The following PEAK1 variants were observed in gnomAD, a reference collection of about 807,000 sequenced individuals.
PEAK1 encodes the protein inactive tyrosine-protein kinase PEAK1.
In PEAK1, 54 loss-of-function variants were observed where a neutral mutation model predicts 124.7. That is an observed-to-expected ratio of 0.43 (90% CI 0.35 to 0.54). The LOEUF (loss-of-function observed/expected upper bound fraction) is 0.54, where lower values mean the gene tolerates loss of function less well. PEAK1 is among the 20% of genes least tolerant of loss of function. The pLI is 0.01. For missense variants in PEAK1, 2,046 were observed against 2,134.5 expected, an observed-to-expected ratio of 0.96 and a Z score of 0.82; for synonymous variants, 719 against 760.0, an observed-to-expected ratio of 0.95 and a Z score of 0.89.
rs540724522 is a variant in PEAK1, at chr15:77,321,977, A to G, written c.-602-35473T>C. On this transcript the variant is annotated intron_variant, in intron 2 of 9. Coordinates refer to ENST00000682557, the MANE Select transcript of PEAK1 (RefSeq NM_001385026.1). ...ACTAGAACTCAGGATTAAGAAACTC[A>G]CTCAAAACCGCTCGACTACATGGAA... 3.5e-4 allele frequency among the ~76,000 whole-genome samples: 54 copies of G among 152,286 alleles called. 2 individuals are homozygous for G. In the South Asian group the frequency reaches 0.011, roughly 31 times the overall value.
chr15:77,396,120 T>C (rs2070864165), intron 1 of PEAK1, among the ~76,000 whole-genome samples: 1 of 152,150 alleles, frequency 6.6e-6, no homozygotes, highest in Non-Finnish European at 1.5e-5. Context: ...TGCTTGTTTA[T>C]GCGATCAGTG....
intron 6 of PEAK1, among the ~76,000 whole-genome samples, chr15:77,206,226 T>C (rs1442496662): frequency 2.1e-5 from 3 of 141,576 alleles, no homozygotes; most frequent in Admixed American, 1.5e-4. Flanking sequence ...CAGTCTATCA[T>C]TGTTGGACAT....
At chr15:77,150,516 T>C (rs1425765894) in intron 8 of PEAK1, among the ~76,000 whole-genome samples, 5 of 152,126 alleles carry the variant, frequency 3.3e-5, no homozygotes, top group African/African-American at 4.8e-5. Context: ...ATTTATTTAT[T>C]TTATTTTTAT....
chr15:77,384,599 G>A (rs2069769064), intron 1 of PEAK1, among the ~76,000 whole-genome samples: 1 of 152,192 alleles, frequency 6.6e-6, no homozygotes, highest in Non-Finnish European at 1.5e-5. Flanking sequence ...CTCCTTGTGA[G>A]AGTGGTCCTT....
intron 9 of PEAK1, among the ~76,000 whole-genome samples, chr15:77,127,804 G>T (rs1298720615): frequency 6.6e-6 from 1 of 152,210 alleles, no homozygotes; most frequent in East Asian, 1.9e-4. Context: ...GTGAGGCCAG[G>T]CGTTGTGGCT....
chr15:77,281,238 C>T, intron 5 of PEAK1, among the ~76,000 whole-genome samples: 1 of 152,124 alleles, frequency 6.6e-6, no homozygotes, highest in South Asian at 2.1e-4. Flanking sequence ...TGTGAACTGC[C>T]ATTTCTGCCA....
chr15:77,239,271 C>T (rs2060255501), intron 6 of PEAK1, among the ~76,000 whole-genome samples: 1 of 152,078 alleles, frequency 6.6e-6, no homozygotes, highest in Admixed American at 6.5e-5. Context: ...GGTGTTTATC[C>T]AGTAGTTTCT....
chr15:77,220,444 A>G (rs1478155358), intron 6 of PEAK1, among the ~76,000 whole-genome samples: 1 of 151,014 alleles, frequency 6.6e-6, no homozygotes, highest in African/African-American at 2.4e-5. Flanking sequence ...ATGAGAAATT[A>G]CCTGAGATAC....
At chr15:77,175,872 G>C (rs1234038211) in intron 7 of PEAK1, among the ~76,000 whole-genome samples, 4 of 152,194 alleles carry the variant, frequency 2.6e-5, no homozygotes, top group Non-Finnish European at 5.9e-5. Flanking sequence ...AACAACGATA[G>C]ACTGGATTAA....
chr15:77,348,764 G>A (rs1001290999), intron 2 of PEAK1: 3 of 925,344 alleles, frequency 3.2e-6, no homozygotes, highest in South Asian at 5.1e-5. Flanking sequence ...ACTAAAACCC[G>A]ATGATGAATA....
chr15:77,131,531 T>C (rs1228197254), intron 9 of PEAK1, among the ~76,000 whole-genome samples: 1 of 152,076 alleles, frequency 6.6e-6, no homozygotes, highest in African/African-American at 2.4e-5. Flanking sequence ...AAAACTCAGC[T>C]CTACCACTTG....
At chr15:77,292,379 T>C (rs932861012) in intron 2 of PEAK1, among the ~76,000 whole-genome samples, 2 of 152,200 alleles carry the variant, frequency 1.3e-5, no homozygotes, top group African/African-American at 4.8e-5. Context: ...AGAAGCTTAC[T>C]TAACATACAT....
At chr15:77,101,202 T>TG (rs1024543628) in exon 7 of PEAK1, 5 of 152,250 alleles carry the variant, frequency 3.3e-5, no homozygotes, top group African/African-American at 1.2e-4. Context: ...TTCAGAGGCA[T>TG]GGACCCATTT....
intron 2 of PEAK1, chr15:77,332,308 A>C: frequency 1.0e-6 from 1 of 984,492 alleles, no homozygotes; most frequent in Non-Finnish European, 1.2e-6. Flanking sequence ...TGTTTGTTGA[A>C]AAATTTTTTG....
intron 2 of PEAK1, among the ~76,000 whole-genome samples, chr15:77,301,293 C>G (rs2063772516): frequency 6.6e-6 from 1 of 152,130 alleles, no homozygotes; most frequent in Non-Finnish European, 1.5e-5. Context: ...TCTCCTCTGC[C>G]TGTTATCTTC....
At chr15:77,345,766 G>A (rs1309288834) in intron 2 of PEAK1, 2 of 362,862 alleles carry the variant, frequency 5.5e-6, no homozygotes, top group Admixed American at 6.5e-5. Context: ...CACACAAAAA[G>A]ATAAATGTTT....
At chr15:77,332,364 C>G (rs995046401) in intron 2 of PEAK1, 26 of 605,880 alleles carry the variant, frequency 4.3e-5, no homozygotes, top group Non-Finnish European at 5.4e-5. Flanking sequence ...CTTTGGGAGG[C>G]TGAGAGGGGC....
chr15:77,147,026 C>T (rs773555051), intron 8 of PEAK1, among the ~76,000 whole-genome samples: 3 of 152,048 alleles, frequency 2.0e-5, no homozygotes, highest in South Asian at 2.1e-4. Context: ...AAGGATAAAG[C>T]CTAAAGGAGA....
chr15:77,412,127 T>G (rs1041575338), intron 1 of PEAK1, among the ~76,000 whole-genome samples: 1 of 152,192 alleles, frequency 6.6e-6, no homozygotes, highest in Non-Finnish European at 1.5e-5. Flanking sequence ...TGCTCCTCCT[T>G]ATCTCTCTGA....
Sources: gnomAD v4.1 joint callset for allele counts (sites outside exome capture counted in the v4.1 genomes callset) on GRCh38, gnomAD v4.1.1 for gene constraint, MANE v1.5 for transcripts, NCBI Gene and HGNC (gene_info 2026-07-23, HGNC 2026-07-21) for gene names.